PDZRN4: variants seen among roughly 807,000 people sequenced by gnomAD.
PDZRN4 encodes PDZ domain containing ring finger 4.
In PDZRN4, 70 loss-of-function variants were observed where a neutral mutation model predicts 99.0. That is an observed-to-expected ratio of 0.71 (90% CI 0.58 to 0.86). The LOEUF is 0.86. PDZRN4 is among the 40% of genes least tolerant of loss of function. The pLI is 0.00. For synonymous variants in PDZRN4, 551 were observed against 501.6 expected (o/e 1.10, Z -1.32); for missense variants, 1,474 against 1,331.2 (o/e 1.11, Z -1.67).
In PDZRN4 at chr12:41,573,278, C is replaced by T; in HGVS notation, c.2499C>T (p.Tyr833=). The change falls in exon 10 of 10, where the codon TAC becomes TAT. Residue 833 remains tyrosine, a synonymous_variant. Transcript: ENST00000402685. ...AACACATCCCTTACCTCTCTCCTTA[C>T]CACAGCTCCTCATATAGATATGCAA... The part of the protein sequence containing the change: ...VSEHIPYLSP[Y]HSSSYRYANI... The T allele has an allele frequency of 6.2e-7, 1 of 1,613,762 alleles. No individual in the cohort carries two copies. Among genetic ancestry groups the T allele is most frequent in the Non-Finnish European group, 8.5e-7 (1 of 1,180,020 alleles).
At chr12:41,341,962 G>T (rs1223339737) in intron 3 of PDZRN4, among the ~76,000 whole-genome samples, 1 of 151,662 alleles carries the variant, frequency 6.6e-6, no homozygotes, top group African/African-American at 2.4e-5. Flanking sequence ...CTACAAAGCT[G>T]CAGTAACCAA....
At chr12:41,494,079 G>T (rs1937945554) in intron 3 of PDZRN4, among the ~76,000 whole-genome samples, 1 of 150,096 alleles carries the variant, frequency 6.7e-6, no homozygotes, top group African/African-American at 2.5e-5. Context: ...GAGTTTCCTT[G>T]TCCTGGGAAC....
At chr12:41,384,611 G>A (rs899416999) in intron 3 of PDZRN4, among the ~76,000 whole-genome samples, 1 of 152,118 alleles carries the variant, frequency 6.6e-6, no homozygotes, top group South Asian at 2.1e-4. Flanking sequence ...CCTAGCTACT[G>A]TGAGTATACT....
chr12:41,252,782 T>A (rs1246516431), intron 3 of PDZRN4, among the ~76,000 whole-genome samples: 1 of 152,044 alleles, frequency 6.6e-6, no homozygotes, highest in Non-Finnish European at 1.5e-5. Flanking sequence ...AGCAGATCAG[T>A]GATTGCCTGA....
At chr12:41,194,896 A>G (rs967197084) in intron 3 of PDZRN4, among the ~76,000 whole-genome samples, 2 of 152,166 alleles carry the variant, frequency 1.3e-5, no homozygotes, top group African/African-American at 2.4e-5. Context: ...TAAATTTGTA[A>G]TTAATATTTT....
At chr12:41,314,424 A>G (rs866709287) in intron 3 of PDZRN4, among the ~76,000 whole-genome samples, 25 of 152,302 alleles carry the variant, frequency 1.6e-4, no homozygotes, top group African/African-American at 5.5e-4. Context: ...TAACAGAACA[A>G]AGACTTTGAA....
intron 3 of PDZRN4, among the ~76,000 whole-genome samples, chr12:41,464,859 T>C (rs1346400619): frequency 1.3e-5 from 2 of 148,848 alleles, no homozygotes; most frequent in Admixed American, 1.4e-4. Flanking sequence ...AGTCTTGCTC[T>C]TGTTGCTCAG....
At chr12:41,559,303 T>C (rs1444315087) in intron 7 of PDZRN4, among the ~76,000 whole-genome samples, 3 of 152,222 alleles carry the variant, frequency 2.0e-5, no homozygotes, top group African/African-American at 7.2e-5. Flanking sequence ...CTCCTGTGTT[T>C]TTAGTCTGCA....
rs1283698446 is a variant in PDZRN4 at position 41,498,022 on chromosome 12, AAAT to A, written c.844-8430_844-8428del. 2.0e-5 allele frequency among the ~76,000 whole-genome samples: 3 copies of A among 152,172 alleles called. 1 individual carries two copies. The highest frequency in any genetic ancestry group is 3.4e-3 in the Middle Eastern group (1 of 294). ...GACATCAAAAAATTATGAGAATAAA[AAAT>A]AATGATTTTAAGTTCCAAGAATAGT... On this transcript the variant is annotated intron_variant, in intron 3 of 9. Coordinates refer to ENST00000402685, the MANE Select transcript of PDZRN4 (RefSeq NM_001164595.2).
At chr12:41,414,194 G>A (rs1303845714) in intron 3 of PDZRN4, among the ~76,000 whole-genome samples, 1 of 152,090 alleles carries the variant, frequency 6.6e-6, no homozygotes, top group African/African-American at 2.4e-5. Context: ...AGCCTGACAG[G>A]GCTCCCTTTG....
intron 3 of PDZRN4, among the ~76,000 whole-genome samples, chr12:41,275,381 G>A (rs562643777): frequency 4.3e-4 from 65 of 152,124 alleles, no homozygotes; most frequent in African/African-American, 1.3e-3. Flanking sequence ...CCACTAGAAT[G>A]TAAGTCCCAA....
chr12:41,198,666 C>T (rs903983349), intron 3 of PDZRN4, among the ~76,000 whole-genome samples: 4 of 149,478 alleles, frequency 2.7e-5, no homozygotes, highest in Non-Finnish European at 5.9e-5. Context: ...TGCTAAATGA[C>T]GAGTTAATGG....
intron 3 of PDZRN4, among the ~76,000 whole-genome samples, chr12:41,478,110 A>T (rs959110546): frequency 6.6e-6 from 1 of 151,914 alleles, no homozygotes; most frequent in Non-Finnish European, 1.5e-5. Context: ...AATACATTAA[A>T]TTTTTTTGTT....
At chr12:41,557,826 T>C (rs1013209799) in intron 7 of PDZRN4, among the ~76,000 whole-genome samples, 2 of 152,160 alleles carry the variant, frequency 1.3e-5, no homozygotes, top group African/African-American at 4.8e-5. Context: ...CCCGAAATAG[T>C]GATCTATAGT....
At chr12:41,331,962 T>C (rs1227890038) in intron 3 of PDZRN4, among the ~76,000 whole-genome samples, 2 of 151,996 alleles carry the variant, frequency 1.3e-5, no homozygotes, top group Non-Finnish European at 2.9e-5. Flanking sequence ...AGAGCTAGGG[T>C]AGGAAATGAA....
intron 3 of PDZRN4, among the ~76,000 whole-genome samples, chr12:41,317,048 G>GTATACATATATATATACA (rs374645706): frequency 1.4e-5 from 1 of 69,582 alleles, no homozygotes; most frequent in East Asian, 4.1e-4. Flanking sequence ...CTTACATAAA[G>GTATACATATATATATACA]TATATATATA....
chr12:41,292,208 G>A (rs569199610), intron 3 of PDZRN4, among the ~76,000 whole-genome samples: 20 of 152,250 alleles, frequency 1.3e-4, no homozygotes, highest in African/African-American at 4.6e-4. Context: ...GAGGAAAATG[G>A]GAAGAACAAC....
At chr12:41,417,375 A>G (rs144715371) in intron 3 of PDZRN4, among the ~76,000 whole-genome samples, 26 of 152,306 alleles carry the variant, frequency 1.7e-4, no homozygotes, top group Admixed American at 5.9e-4. Context: ...CCTAATTTCA[A>G]GGAGGACAAT....
intron 3 of PDZRN4, among the ~76,000 whole-genome samples, chr12:41,207,346 A>G (rs1356064315): frequency 6.6e-6 from 1 of 151,846 alleles, no homozygotes; most frequent in Non-Finnish European, 1.5e-5. Flanking sequence ...AGAATTTTAG[A>G]GTTGAAAAAA....
Sources: gnomAD v4.1 joint callset for allele counts (sites outside exome capture counted in the v4.1 genomes callset) on GRCh38, gnomAD v4.1.1 for gene constraint, MANE v1.5 for transcripts, NCBI Gene and HGNC (gene_info 2026-07-23, HGNC 2026-07-21) for gene names.